Variants in SBF2 observed in about 807,000 individuals in gnomAD.
The protein encoded by SBF2 is SET binding factor 2.
A neutral mutation model predicts 225.2 loss-of-function variants in SBF2; 112 were observed. That is an observed-to-expected ratio of 0.50 (90% CI 0.43 to 0.58). The LOEUF is 0.58. Ranked by LOEUF, SBF2 falls within the 20% of genes least tolerant of loss-of-function variation. SBF2 has a pLI of 0.00. For synonymous variants in SBF2, 763 were observed against 773.3 expected, an observed-to-expected ratio of 0.99 and a Z score of 0.22; for missense variants, 1,996 against 2,206.2, an observed-to-expected ratio of 0.90 and a Z score of 1.91.
intron 1 of SBF2, among the ~76,000 whole-genome samples, chr11:10,226,468 T>C (rs764947477): frequency 3.3e-5 from 5 of 151,720 alleles, no homozygotes; most frequent in Non-Finnish European, 4.4e-5. Context: ...CTCCTAATAC[T>C]ATCCCTCCCC....
chr11:10,020,148 C>T (rs996047535), intron 6 of SBF2, among the ~76,000 whole-genome samples: 3 of 151,988 alleles, frequency 2.0e-5, no homozygotes, highest in Non-Finnish European at 4.4e-5. Context: ...GGGCAGTTTC[C>T]CAAGATAGAA....
intron 2 of SBF2, among the ~76,000 whole-genome samples, chr11:10,147,416 C>T (rs142902057): frequency 6.6e-6 from 1 of 152,226 alleles, no homozygotes; most frequent in African/African-American, 2.4e-5. Context: ...ATGTCCTGTG[C>T]AGGAACATGA....
rs543560629 is a variant in SBF2 at position 10,293,986 on chromosome 11, C to G, written c.55+29G>C. ...GACAGCGGCCGGGGGGCGGGGAGGC[C>G]CGGGGGCGGTGCCGCCCCACACCCT... On this transcript the variant is annotated intron_variant, in intron 1 of 39. Transcript: ENST00000256190. 2,840 of 1,321,938 alleles carry G rather than the reference C, an allele frequency of 2.1e-3. 11 individuals are homozygous for G. The Middle Eastern group carries it at 0.025, about 12-fold the overall frequency. The allele number at this position is 1,321,938 out of a possible 1,614,324, so 81.9% of individuals were successfully genotyped here. A position where few individuals can be genotyped will look rare whatever the true frequency, so the allele number is the denominator to read the frequency against.
At chr11:10,033,167 C>T (rs1335322104) in intron 3 of SBF2, among the ~76,000 whole-genome samples, 1 of 152,164 alleles carries the variant, frequency 6.6e-6, no homozygotes, top group East Asian at 1.9e-4. Context: ...GATTTCCACA[C>T]TTAATGAATC....
At chr11:10,038,285 T>G (rs898674171) in intron 3 of SBF2, among the ~76,000 whole-genome samples, 3 of 152,002 alleles carry the variant, frequency 2.0e-5, no homozygotes, top group Non-Finnish European at 2.9e-5. Context: ...TGTTAAAACC[T>G]ATCAAATGGT....
chr11:9,983,678 G>T (rs1947059206), intron 13 of SBF2, among the ~76,000 whole-genome samples: 1 of 152,120 alleles, frequency 6.6e-6, no homozygotes, highest in Non-Finnish European at 1.5e-5. Context: ...GGAGCTCACT[G>T]CACCCTCCGC....
At chr11:10,095,887 G>A (rs1472951385) in intron 2 of SBF2, among the ~76,000 whole-genome samples, 1 of 151,870 alleles carries the variant, frequency 6.6e-6, no homozygotes, top group Non-Finnish European at 1.5e-5. Flanking sequence ...CTCAGAGCGG[G>A]GGAAAAAAAG....
At chr11:10,054,864 G>A (rs921666474) in intron 2 of SBF2, among the ~76,000 whole-genome samples, 4 of 150,676 alleles carry the variant, frequency 2.7e-5, no homozygotes, top group Admixed American at 1.3e-4. Context: ...ATACCACCAT[G>A]AGAATGCCCA....
In SBF2 at chr11:9,847,025, C is replaced by A; in HGVS notation, c.2865G>T (p.Lys955Asn). ...GCTGTAGCTGGTTCTGCATTGTAATCTTCTTCTCCTTGGTGATGGAGGCAA... is the reference window on the plus strand; with the variant it reads ...GCTGTAGCTGGTTCTGCATTGTAATATTCTTCTCCTTGGTGATGGAGGCAA... ...FPIASITKEK[K>N]ITMQNQLQQN... Residue 955 changes from lysine to asparagine, a missense_variant, in exon 23 of 40, where the codon AAG becomes AAT. Transcript: ENST00000256190. The A allele has an allele frequency of 6.2e-7, 1 of 1,613,838 alleles. No individual in the cohort carries two copies. Among genetic ancestry groups the A allele is most frequent in the Non-Finnish European group, 8.5e-7 (1 of 1,179,764 alleles).
chr11:10,051,363 AAT>A (rs928498383), intron 2 of SBF2, among the ~76,000 whole-genome samples: 56 of 152,280 alleles, frequency 3.7e-4, no homozygotes, highest in African/African-American at 1.3e-3. Context: ...TAGCCTCATA[AAT>A]ATGTTAGTTT....
chr11:10,180,410 G>A (rs1460242283), intron 2 of SBF2, among the ~76,000 whole-genome samples: 1 of 152,066 alleles, frequency 6.6e-6, no homozygotes, highest in East Asian at 1.9e-4. Flanking sequence ...TCTCTGGCCT[G>A]TCAAGTTTCC....
intron 2 of SBF2, among the ~76,000 whole-genome samples, chr11:10,112,777 G>A (rs1319031358): frequency 6.6e-6 from 1 of 152,112 alleles, no homozygotes; most frequent in East Asian, 1.9e-4. Context: ...GTGCATTAAA[G>A]AAAATAATAT....
At chr11:9,893,135 T>C (rs1006590828) in intron 17 of SBF2, among the ~76,000 whole-genome samples, 7 of 152,226 alleles carry the variant, frequency 4.6e-5, no homozygotes, top group Non-Finnish European at 8.8e-5. Flanking sequence ...GTCCATTCTC[T>C]GAAGCAATGC....
intron 13 of SBF2, among the ~76,000 whole-genome samples, chr11:9,987,226 C>G (rs1348788854): frequency 6.6e-6 from 1 of 152,038 alleles, no homozygotes; most frequent in African/African-American, 2.4e-5. Flanking sequence ...ATTTAGCATC[C>G]CTTTATGATT....
intron 1 of SBF2, among the ~76,000 whole-genome samples, chr11:10,215,498 G>A (rs1210546574): frequency 1.3e-5 from 2 of 152,056 alleles, no homozygotes; most frequent in Non-Finnish European, 2.9e-5. Flanking sequence ...TTCCATAAAG[G>A]AAAATCCTCT....
At position 9,795,721 on chromosome 11, in the gene SBF2, T is replaced by C. The variant is rs551930180; in HGVS notation, c.4570+110A>G. On this transcript the variant is annotated intron_variant, in intron 33 of 39. Transcript: ENST00000256190. ...CTCCTCTACATTCATAGTTCAGAGTTAAACCTTAACTCAGCTTGTCAGTCT... is the reference window on the plus strand; with the variant it reads ...CTCCTCTACATTCATAGTTCAGAGTCAAACCTTAACTCAGCTTGTCAGTCT... The C allele has an allele frequency of 6.6e-6, 9 of 1,364,674 alleles. No homozygotes were observed. The South Asian group carries it at 1.1e-4, about 16-fold the overall frequency. 84.5% of individuals were successfully genotyped at this position (1,364,674 alleles called of 1,614,324 possible). A position where few individuals can be genotyped will look rare whatever the true frequency, so the allele number is the denominator to read the frequency against.
At chr11:10,274,178 T>C (rs1359954403) in intron 1 of SBF2, among the ~76,000 whole-genome samples, 1 of 152,164 alleles carries the variant, frequency 6.6e-6, no homozygotes, top group South Asian at 2.1e-4. Context: ...ACTGGAGAAA[T>C]AGAAGAACTG....
intron 3 of SBF2, among the ~76,000 whole-genome samples, chr11:10,037,448 T>C (rs1565159912): frequency 6.6e-6 from 1 of 152,114 alleles, no homozygotes; most frequent in Non-Finnish European, 1.5e-5. Context: ...TCCCAAATAC[T>C]GCTATTTCGA....
At chr11:10,071,031 A>G (rs1056540325) in intron 2 of SBF2, among the ~76,000 whole-genome samples, 1 of 152,154 alleles carries the variant, frequency 6.6e-6, no homozygotes, top group African/African-American at 2.4e-5. Context: ...ACACTGCTGA[A>G]GCTGCCTATC....
Sources: gnomAD v4.1 joint callset for allele counts (sites outside exome capture counted in the v4.1 genomes callset) on GRCh38, gnomAD v4.1.1 for gene constraint, MANE v1.5 for transcripts, NCBI Gene and HGNC (gene_info 2026-07-23, HGNC 2026-07-21) for gene names.